ACSS3: variants seen among roughly 807,000 people sequenced by gnomAD.
ACSS3 encodes acyl-CoA synthetase short chain family member 3, also known as acyl-CoA synthetase short-chain family member 3, mitochondrial.
ACSS3 carries 64 observed loss-of-function variants against 84.2 expected under a neutral mutation model. The observed-to-expected ratio is 0.76, with a 90% CI of 0.62 to 0.94. The LOEUF (loss-of-function observed/expected upper bound fraction) is 0.94, where lower values mean the gene tolerates loss of function less well. Among genes scored for constraint, ACSS3 ranks in the 40% least tolerant of loss-of-function variants. The pLI is 0.00. For missense variants in ACSS3, 815 were observed against 867.6 expected (o/e 0.94, Z 0.76); for synonymous variants, 317 against 310.1 (o/e 1.02, Z -0.23).
chr12:81,167,256 G>C (rs926304270), intron 7 of ACSS3, among the ~76,000 whole-genome samples: 4 of 152,082 alleles, frequency 2.6e-5, no homozygotes, highest in Non-Finnish European at 2.9e-5. Context: ...CTTATTCATT[G>C]GGGGTTGGCT....
At chr12:81,128,369 G>A (rs1885255022) in intron 2 of ACSS3, among the ~76,000 whole-genome samples, 1 of 152,030 alleles carries the variant, frequency 6.6e-6, no homozygotes, top group South Asian at 2.1e-4. Context: ...AATTTCTAGT[G>A]GGAAGAGTCA....
chr12:81,141,262 G>C (rs1480716900), intron 4 of ACSS3, among the ~76,000 whole-genome samples: 2 of 152,030 alleles, frequency 1.3e-5, no homozygotes, highest in Admixed American at 6.6e-5. Flanking sequence ...GAAATCTCTT[G>C]TTCTTTCTAT....
chr12:81,180,705 A>T (rs553093777), intron 8 of ACSS3, among the ~76,000 whole-genome samples: 2 of 152,176 alleles, frequency 1.3e-5, no homozygotes, highest in East Asian at 1.9e-4. Flanking sequence ...TAGCAGAGAC[A>T]GGGTTTCACT....
At chr12:81,169,204 A>C (rs1437769313) in intron 7 of ACSS3, among the ~76,000 whole-genome samples, 1 of 152,204 alleles carries the variant, frequency 6.6e-6, no homozygotes, top group Non-Finnish European at 1.5e-5. Context: ...GGTGAGGCCT[A>C]CAGAATGATG....
chr12:81,181,811 G>T (rs1019644237), intron 8 of ACSS3, among the ~76,000 whole-genome samples: 1 of 78,286 alleles, frequency 1.3e-5, no homozygotes, highest in Non-Finnish European at 2.6e-5. Context: ...AGCCAAAAAA[G>T]AATCTGTGAA....
At chr12:81,110,093 AG>A (rs1883452318) in intron 2 of ACSS3, among the ~76,000 whole-genome samples, 1 of 152,182 alleles carries the variant, frequency 6.6e-6, no homozygotes, top group Non-Finnish European at 1.5e-5. Context: ...GATGATCACC[AG>A]GGTGTTCTTC....
At chr12:81,196,045 A>G (rs555619205) in intron 8 of ACSS3, among the ~76,000 whole-genome samples, 2 of 152,346 alleles carry the variant, frequency 1.3e-5, no homozygotes, top group East Asian at 3.9e-4. Context: ...CTTATAAAAC[A>G]TTAAGTAATA....
In ACSS3 at chr12:81,156,582, A is replaced by G. The variant is rs543197985; in HGVS notation, c.1098+4486A>G. On this transcript the variant is annotated intron_variant, in intron 7 of 15. Coordinates refer to ENST00000548058, the MANE Select transcript of ACSS3 (RefSeq NM_024560.4). ...GCAAAGAAAAGAGACAGAAGACACAAATTACCAGTACCACATGTGAAACAG... is the reference window on the plus strand; with the variant it reads ...GCAAAGAAAAGAGACAGAAGACACAGATTACCAGTACCACATGTGAAACAG... 1.6e-4 allele frequency among the ~76,000 whole-genome samples: 25 copies of G among 152,268 alleles called. No individual in the cohort carries two copies. The South Asian group carries it at 4.6e-3, about 28-fold the overall frequency.
At chr12:81,177,339 AG>A (rs1284388531) in intron 8 of ACSS3, among the ~76,000 whole-genome samples, 1 of 152,198 alleles carries the variant, frequency 6.6e-6, no homozygotes, top group East Asian at 1.9e-4. Context: ...AAAAAATAAA[AG>A]GCATCCAGAA....
At position 81,233,393 on chromosome 12, in the gene ACSS3, C is replaced by G. The variant is rs754658909; in HGVS notation, c.1641C>G (p.Gly547=). The change falls in exon 13 of 16, where the codon GGC becomes GGG. Residue 547 remains glycine, a synonymous_variant. Coordinates refer to ENST00000548058, the MANE Select transcript of ACSS3 (RefSeq NM_024560.4). Reference sequence around the variant, plus strand: ...ATGCTGGTTACATGGATGAAGAAGGCTATTTGTATGTTATGTCTCGAGTGG... The same window carrying G: ...ATGCTGGTTACATGGATGAAGAAGGGTATTTGTATGTTATGTCTCGAGTGG... ...TMDAGYMDEE[G]YLYVMSRVDD... 6.2e-7 allele frequency: 1 copy of G among 1,610,734 alleles called. No individual in the cohort carries two copies. Among genetic ancestry groups the G allele is most frequent in the Non-Finnish European group, 8.5e-7 (1 of 1,177,760 alleles).
At chr12:81,218,423 C>A (rs2032996930) in intron 10 of ACSS3, among the ~76,000 whole-genome samples, 1 of 152,158 alleles carries the variant, frequency 6.6e-6, no homozygotes. Context: ...GCTTCTCTAA[C>A]ATAAAAATAT....
chr12:81,228,210 A>G (rs932953811), intron 11 of ACSS3, among the ~76,000 whole-genome samples: 1 of 151,892 alleles, frequency 6.6e-6, no homozygotes, highest in Non-Finnish European at 1.5e-5. Flanking sequence ...AAAGCCAAAG[A>G]CATTCTCCTG....
intron 9 of ACSS3, among the ~76,000 whole-genome samples, chr12:81,209,358 T>C (rs1255475590): frequency 2.0e-5 from 3 of 148,200 alleles, no homozygotes; most frequent in African/African-American, 5.0e-5. Context: ...ACATTTTTAA[T>C]GGGAAATGTT....
At chr12:81,216,831 TG>T in intron 9 of ACSS3, 69 bp from the exon 10 acceptor site, 1 of 1,290,944 alleles carries the variant, frequency 7.7e-7, no homozygotes, top group East Asian at 2.4e-5. Flanking sequence ...GGGTAGAGTG[TG>T]CATGTACTCA....
rs1333240977 is a variant in ACSS3, at chr12:81,139,194, C to G, written c.709C>G (p.Leu237Val). The change falls in exon 4 of 16, where the codon CTT (leucine) becomes GTT (valine). Residue 237 changes from leucine to valine, a missense_variant. Physicochemically the swap from Leu to Val is conservative, Grantham distance 32 (BLOSUM62 1). Transcript: ENST00000548058. ...EPGRRVEYVP[L>V]VEEALKIGQH... Reference sequence around the variant, plus strand: ...TGGAAGGAGGGTAGAGTACGTACCACTTGTAGAAGAAGCGCTAAAAATAGG... The same window carrying G: ...TGGAAGGAGGGTAGAGTACGTACCAGTTGTAGAAGAAGCGCTAAAAATAGG... 6.2e-7 allele frequency: 1 copy of G among 1,613,886 alleles called. No individual in the cohort carries two copies. Among genetic ancestry groups the G allele is most frequent in the South Asian group, 1.1e-5 (1 of 91,080 alleles).
Position 81,256,680 on chromosome 12 carries a change from A to G in ACSS3, c.*1758A>G, listed in dbSNP as rs918712599. On this transcript the variant is annotated 3_prime_UTR_variant, in exon 16 of 16. Transcript: ENST00000548058. ...AAGTTTATTGTTATAAAAATGACCTACAACTTATATAAAAAAATTCTGAAA... is the reference window on the plus strand; with the variant it reads ...AAGTTTATTGTTATAAAAATGACCTGCAACTTATATAAAAAAATTCTGAAA... 6.6e-6 allele frequency: 1 copy of G among 152,170 alleles called. No individual in the cohort carries two copies. The highest frequency in any genetic ancestry group is 2.4e-5 in the African/African-American group (1 of 41,460). The allele number at this position is 152,170 out of a possible 1,614,324, so 9.4% of individuals were successfully genotyped here. A position where few individuals can be genotyped will look rare whatever the true frequency, so the allele number is the denominator to read the frequency against.
At chr12:81,233,147 T>C (rs570126706) in intron 12 of ACSS3, among the ~76,000 whole-genome samples, 1 of 151,922 alleles carries the variant, frequency 6.6e-6, no homozygotes, top group East Asian at 1.9e-4. Flanking sequence ...ACACTTCAAC[T>C]TATTCTTGGC....
intron 12 of ACSS3, among the ~76,000 whole-genome samples, chr12:81,231,464 T>G (rs1364417670): frequency 6.6e-6 from 1 of 151,846 alleles, no homozygotes; most frequent in Non-Finnish European, 1.5e-5. Context: ...CTCTACTGGA[T>G]TCCTCTGTAT....
intron 9 of ACSS3, among the ~76,000 whole-genome samples, chr12:81,207,040 T>C (rs553965929): frequency 6.6e-6 from 1 of 152,136 alleles, no homozygotes; most frequent in Non-Finnish European, 1.5e-5. Flanking sequence ...GTGACAATGC[T>C]TTGGCAAGGG....
Sources: allele counts gnomAD v4.1 joint callset (sites outside exome capture counted in the v4.1 genomes callset), GRCh38; gene constraint gnomAD v4.1.1; transcripts MANE v1.5; gene names NCBI Gene and HGNC (gene_info 2026-07-23, HGNC 2026-07-21).